KLF17: variants seen among roughly 807,000 people sequenced by gnomAD.
KLF17 encodes the protein Krueppel-like factor 17.
In KLF17, 31 loss-of-function variants were observed where a neutral mutation model predicts 34.2. The observed-to-expected ratio is 0.91, with a 90% CI of 0.68 to 1.22. The LOEUF is 1.22. KLF17 is among the 50% of genes most tolerant of loss of function. KLF17 has a pLI of 0.00. For synonymous variants in KLF17, 179 were observed against 186.7 expected (o/e 0.96, Z 0.34); for missense variants, 478 against 505.2 (o/e 0.95, Z 0.52).
the KLF17 span, among the ~76,000 whole-genome samples, chr1:44,055,845 A>G: frequency 6.6e-6 from 1 of 152,108 alleles, no homozygotes; most frequent in African/African-American, 2.4e-5. Flanking sequence ...CCCTTATTTT[A>G]CCTGTAAAGA....
chr1:44,045,415 C>G, the KLF17 span: 2 of 152,442 alleles, frequency 1.3e-5, no homozygotes, highest in Admixed American at 1.3e-4. Flanking sequence ...TCTTCCTCCT[C>G]TGGCAGCACC....
intron 3 of KLF17, among the ~76,000 whole-genome samples, chr1:44,132,295 C>A (rs1250594771): frequency 6.6e-6 from 1 of 151,936 alleles, no homozygotes; most frequent in Non-Finnish European, 1.5e-5. Flanking sequence ...GACAGCAAGA[C>A]TCCATCTCAA....
chr1:44,087,613 G>A, the KLF17 span, among the ~76,000 whole-genome samples: 3 of 150,066 alleles, frequency 2.0e-5, no homozygotes, highest in Middle Eastern at 3.2e-3. Flanking sequence ...GGTACAAGCA[G>A]GGTATGGTAG....
the KLF17 span, among the ~76,000 whole-genome samples, chr1:44,066,528 C>A: frequency 6.6e-6 from 1 of 151,834 alleles, no homozygotes; most frequent in Non-Finnish European, 1.5e-5. Context: ...GCCTGGCCAA[C>A]TTTCTAAAGA....
At chr1:44,054,177 G>A in the KLF17 span, among the ~76,000 whole-genome samples, 4 of 152,170 alleles carry the variant, frequency 2.6e-5, no homozygotes, top group Non-Finnish European at 5.9e-5. Context: ...TCTCCTGGGT[G>A]TGCATTTTAT....
the KLF17 span, among the ~76,000 whole-genome samples, chr1:44,063,890 C>T: frequency 6.6e-6 from 1 of 152,124 alleles, no homozygotes. Context: ...GTGTTGGATG[C>T]CTCTGAGAAG....
At chr1:44,109,431 C>T in the KLF17 span, among the ~76,000 whole-genome samples, 6 of 152,282 alleles carry the variant, frequency 3.9e-5, no homozygotes, top group East Asian at 1.9e-4. Flanking sequence ...CAATAATCCA[C>T]GGTTCATGTA....
the KLF17 span, among the ~76,000 whole-genome samples, chr1:44,046,848 C>T: frequency 4.4e-4 from 67 of 152,136 alleles, no homozygotes; most frequent in African/African-American, 1.6e-3. Context: ...TATGGTGAAA[C>T]CTGGTCTCTA....
At chr1:44,073,609 G>T in the KLF17 span, among the ~76,000 whole-genome samples, 9 of 152,086 alleles carry the variant, frequency 5.9e-5, no homozygotes, top group Non-Finnish European at 1.3e-4. Context: ...CAAGAGAAGA[G>T]AAATATTTGA....
the KLF17 span, among the ~76,000 whole-genome samples, chr1:44,049,198 C>T: frequency 1.6e-4 from 24 of 152,148 alleles, no homozygotes; most frequent in Non-Finnish European, 1.9e-4. Context: ...TATAAGGGCA[C>T]TAATCCCATC....
intron 1 of KLF17, among the ~76,000 whole-genome samples, chr1:44,128,140 G>T (rs563628153): frequency 6.6e-6 from 1 of 152,184 alleles, no homozygotes; most frequent in East Asian, 1.9e-4. Context: ...GGAGTGCAAT[G>T]GCACAATCTC....
the KLF17 span, among the ~76,000 whole-genome samples, chr1:44,107,780 T>C: frequency 1.3e-5 from 2 of 152,224 alleles, no homozygotes; most frequent in Non-Finnish European, 1.5e-5. Flanking sequence ...TGCTGGTATA[T>C]TGTTATAATT....
the KLF17 span, among the ~76,000 whole-genome samples, chr1:44,085,677 G>T: frequency 6.6e-6 from 1 of 151,888 alleles, no homozygotes; most frequent in Admixed American, 6.6e-5. Flanking sequence ...TGGTGGTGTT[G>T]CTTGTAGTCC....
At chr1:44,087,246 C>T in the KLF17 span, among the ~76,000 whole-genome samples, 1 of 151,918 alleles carries the variant, frequency 6.6e-6, no homozygotes, top group Non-Finnish European at 1.5e-5. Flanking sequence ...TTTATTTTGT[C>T]ATCTTTTTTG....
the KLF17 span, among the ~76,000 whole-genome samples, chr1:44,052,902 GA>G: frequency 6.6e-6 from 1 of 150,856 alleles, no homozygotes; most frequent in Non-Finnish European, 1.5e-5. Flanking sequence ...GCCTAGGCAG[GA>G]TTTTTTTTTT....
At chr1:44,078,290 G>T in the KLF17 span, among the ~76,000 whole-genome samples, 1 of 152,136 alleles carries the variant, frequency 6.6e-6, no homozygotes, top group African/African-American at 2.4e-5. Flanking sequence ...AATCTTCTTT[G>T]CCCTGCTTTG....
the KLF17 span, among the ~76,000 whole-genome samples, chr1:44,101,791 C>T: frequency 0.15 from 22,788 of 152,026 alleles, 2,094 homozygotes; most frequent in Admixed American, 0.19. Context: ...CTTTGGGAGG[C>T]CGAGGCAGAC....
chr1:44,059,078 G>C, the KLF17 span, among the ~76,000 whole-genome samples: 1 of 152,198 alleles, frequency 6.6e-6, no homozygotes, highest in East Asian at 1.9e-4. Flanking sequence ...TAACTAGTTT[G>C]GTACCCCTGT....
At chr1:44,079,012 C>T in the KLF17 span, among the ~76,000 whole-genome samples, 3 of 152,130 alleles carry the variant, frequency 2.0e-5, no homozygotes, top group Non-Finnish European at 2.9e-5. Context: ...TCATATTTTA[C>T]AATAAGTCTT....
Sources: allele counts gnomAD v4.1 joint callset (sites outside exome capture counted in the v4.1 genomes callset), GRCh38; gene constraint gnomAD v4.1.1; transcripts MANE v1.5; gene names NCBI Gene and HGNC (gene_info 2026-07-23, HGNC 2026-07-21).